NBPF19: variants seen among roughly 807,000 people sequenced by gnomAD.
NBPF19 encodes the protein NBPF member 19.
Under a neutral mutation model 45.9 loss-of-function variants are expected in NBPF19, and 30 were observed. The observed-to-expected ratio is 0.65, with a 90% CI of 0.49 to 0.89. The LOEUF is 0.89. Ranked by LOEUF, NBPF19 falls within the 40% of genes least tolerant of loss-of-function variation. The pLI is 0.00. For synonymous variants in NBPF19, 183 were observed against 181.2 expected (o/e 1.01, Z -0.08); for missense variants, 495 against 471.8 (o/e 1.05, Z -0.46).
At position 149,480,700 on chromosome 1, in the gene NBPF19, AAAGG is replaced by A. The variant is rs2085129352; in HGVS notation, c.592_595del (p.Glu198SerfsTer119). On this transcript the variant is annotated frameshift_variant, in exon 6 of 94. Coordinates refer to ENST00000651566, the MANE Select transcript of NBPF19 (RefSeq NM_001351365.2). LOFTEE classifies it high-confidence loss of function. Reference sequence around the variant, plus strand: ...TCAGGGAGATGCAGAAGGCTGAAGAAAAGGAAGTCCCTGAGGACTCACTGGAGGA... The same window carrying A: ...TCAGGGAGATGCAGAAGGCTGAAGAAAAGTCCCTGAGGACTCACTGGAGGA... 1.4e-6 allele frequency: 1 copy of A among 692,620 alleles called. No homozygotes were observed. Among genetic ancestry groups the A allele is most frequent in the African/African-American group, 1.9e-5 (1 of 51,414 alleles). 42.9% of individuals were successfully genotyped at this position (692,620 alleles called of 1,614,324 possible).
chr1:149,483,711 T>A lies in NBPF19; in HGVS notation c.824+1485T>A, dbSNP rs1255134751. ...GTTTAGTGCTTCCTTTAGGAGCTCT[T>A]GTAAGGCAGGCCTGGTGGTGACAAA... On this transcript the variant is annotated intron_variant, in intron 7 of 93. Transcript: ENST00000651566. Among the ~76,000 whole-genome samples the A allele has an allele frequency of 2.8e-5, 3 of 105,544 alleles. No individual in the cohort carries two copies. In the East Asian group the frequency reaches 9.3e-4, roughly 33 times the overall value. 69.2% of individuals were successfully genotyped at this position (105,544 alleles called of 152,430 possible).
Position 149,554,776 on chromosome 1 carries a change from G to T in NBPF19, c.*38G>T, listed in dbSNP as rs1421481299. Reference sequence around the variant, plus strand: ...AAGCCGAGAGATGTCATTCCTGCAGGCAGGACCTATAGGCACGTGAAGATT... The same window carrying T: ...AAGCCGAGAGATGTCATTCCTGCAGTCAGGACCTATAGGCACGTGAAGATT... On this transcript the variant is annotated 3_prime_UTR_variant, in exon 94 of 94. Coordinates refer to ENST00000651566, the MANE Select transcript of NBPF19 (RefSeq NM_001351365.2). 13 of 1,607,220 alleles carry T rather than the reference G, an allele frequency of 8.1e-6. 1 individual carries two copies. The highest frequency in any genetic ancestry group is 1.1e-5 in the South Asian group (1 of 90,864).
At chr1:149,514,773 G>T (rs1374064061) in intron 43 of NBPF19, among the ~76,000 whole-genome samples, 163 bp from the exon 44 acceptor site, 1 of 73,966 alleles carries the variant, frequency 1.4e-5, no homozygotes, top group Non-Finnish European at 3.0e-5. Context: ...TTTCCATTTG[G>T]CCCTGTTCTG....
At chr1:149,493,754 C>T in intron 17 of NBPF19, 43 bp downstream of exon 17, 3 of 171,062 alleles carry the variant, frequency 1.8e-5, no homozygotes, top group Non-Finnish European at 3.1e-5. Context: ...GTGTTGACAC[C>T]TGGAGATGCC....
intron 9 of NBPF19, among the ~76,000 whole-genome samples, chr1:149,487,793 G>GTC (rs1660704664): frequency 6.7e-6 from 1 of 148,270 alleles, no homozygotes; most frequent in African/African-American, 2.5e-5. Flanking sequence ...GTGTGTGTGT[G>GTC]TGTGTGTGTG....
chr1:149,487,029 A>T (rs1258497744), intron 8 of NBPF19, among the ~76,000 whole-genome samples: 1 of 150,750 alleles, frequency 6.6e-6, no homozygotes, highest in Admixed American at 6.6e-5. Flanking sequence ...CTCTCCTATG[A>T]GGTGTTAGAA....
At chr1:149,488,594 C>T (rs2085777860) in intron 10 of NBPF19, among the ~76,000 whole-genome samples, 1 of 63,068 alleles carries the variant, frequency 1.6e-5, no homozygotes, top group Admixed American at 2.0e-4. Flanking sequence ...CAGTTTTTCT[C>T]CTAGCAACCA....
intron 8 of NBPF19, among the ~76,000 whole-genome samples, chr1:149,486,985 G>C (rs1343828185): frequency 0.01 from 1,542 of 150,668 alleles, 78 homozygotes; most frequent in Non-Finnish European, 0.017. Flanking sequence ...CAAATTCTGG[G>C]TATTTGATGA....
chr1:149,487,785 G>T (rs1299981066), intron 9 of NBPF19, among the ~76,000 whole-genome samples: 1 of 142,618 alleles, frequency 7.0e-6, no homozygotes, highest in African/African-American at 2.6e-5. Context: ...CTGTGTGTGT[G>T]TGTGTGTGTG....
chr1:149,521,086 G>T (rs1232105036), intron 51 of NBPF19, among the ~76,000 whole-genome samples: 1 of 78,830 alleles, frequency 1.3e-5, no homozygotes, highest in Non-Finnish European at 2.7e-5. Flanking sequence ...CTCTGTCTCT[G>T]TCTCTCTCTC....
chr1:149,554,235 T>C, intron 93 of NBPF19, among the ~76,000 whole-genome samples: 1 of 151,824 alleles, frequency 6.6e-6, no homozygotes, highest in South Asian at 2.1e-4. Flanking sequence ...CCCTTACCAG[T>C]ATGTCACCTG....
chr1:149,478,909 A>G lies in NBPF19; in HGVS notation c.308A>G (p.Glu103Gly). 1 of 1,606,356 alleles carries G rather than the reference A, an allele frequency of 6.2e-7. No homozygotes were observed. Among genetic ancestry groups the G allele is most frequent in the Non-Finnish European group, 8.5e-7 (1 of 1,175,358 alleles). ...TATAAAGTCCTGTTTCACTCTCAGG[A>G]ACGAGAGCTGACCCAGTTAAGGGAG... is the stretch of plus-strand genomic sequence containing the variant. ...RQYKVLFHSQERELTQLREKL... is the reference protein window; with the variant it reads ...RQYKVLFHSQGRELTQLREKL... Residue 103 changes from glutamate to glycine, a missense_variant, in exon 4 of 94, where the codon GAA becomes GGA. Around this residue, in one of 8 missense-constraint regions of NBPF19, gnomAD observed 69 missense variants for 87.8 expected, o/e 0.79. Coordinates refer to ENST00000651566, the MANE Select transcript of NBPF19 (RefSeq NM_001351365.2).
chr1:149,494,005 C>T (rs1290403113), intron 17 of NBPF19, among the ~76,000 whole-genome samples: 7 of 89,286 alleles, frequency 7.8e-5, no homozygotes, highest in Admixed American at 5.0e-4. Flanking sequence ...GATCACTGTT[C>T]GCTGTGTGTC....
chr1:149,555,095 T>A lies in NBPF19; in HGVS notation c.*357T>A. On this transcript the variant is annotated 3_prime_UTR_variant, in exon 94 of 94. Transcript: ENST00000651566. The stretch of plus-strand genomic sequence containing the variant: ...GCTCAAGGTCAGTGTCATCTTTGTG[T>A]TTAGCTCATCCAAAGGTGTTACCCT... The A allele has an allele frequency of 2.9e-6, 1 of 342,462 alleles. No individual in the cohort carries two copies. The highest frequency in any genetic ancestry group is 5.5e-6 in the Non-Finnish European group (1 of 181,842). 21.2% of individuals were successfully genotyped at this position (342,462 alleles called of 1,614,324 possible).
At chr1:149,491,393 C>A in intron 14 of NBPF19, 82 bp downstream of exon 14, 4 of 146,896 alleles carry the variant, frequency 2.7e-5, no homozygotes, top group South Asian at 1.5e-4. Flanking sequence ...GTGGCCATTA[C>A]TGAGCTGAGA....
chr1:149,478,912 G>T lies in NBPF19; in HGVS notation c.311G>T (p.Arg104Leu). Residue 104 changes from arginine (R) to leucine (L), a missense_variant, in exon 4 of 94, where the codon CGA becomes CTA. By Grantham distance (102) the Arg-to-Leu change is moderately radical (BLOSUM62 -2). Around this residue, in one of 8 missense-constraint regions of NBPF19, gnomAD observed 69 missense variants for 87.8 expected, o/e 0.79. Transcript: ENST00000651566. ...AAAGTCCTGTTTCACTCTCAGGAAC[G>T]AGAGCTGACCCAGTTAAGGGAGAAG... ...QYKVLFHSQE[R>L]ELTQLREKLR... 1 of 1,606,282 alleles carries T rather than the reference G, an allele frequency of 6.2e-7. No homozygotes were observed. Among genetic ancestry groups the T allele is most frequent in the East Asian group, 2.2e-5 (1 of 44,818 alleles).
chr1:149,488,216 T>C, intron 10 of NBPF19, 31 bp downstream of exon 10: 1 of 591,274 alleles, frequency 1.7e-6, no homozygotes, highest in Non-Finnish European at 3.0e-6. Flanking sequence ...GTGATAAGGA[T>C]CCACTGAGTC....
chr1:149,553,850 A>C lies in NBPF19; in HGVS notation c.11256A>C (p.Glu3752Asp). 6.7e-6 allele frequency: 1 copy of C among 148,884 alleles called. No homozygotes were observed. Among genetic ancestry groups the C allele is most frequent in the Non-Finnish European group, 1.1e-5 (1 of 89,234 alleles). The allele number at this position is 148,884 out of a possible 1,614,324, so 9.2% of individuals were successfully genotyped here. The change falls in exon 93 of 94, where the codon GAA becomes GAC. Residue 3752 changes from glutamate to aspartate, a missense_variant. Glu to Asp is a conservative substitution (Grantham distance 45). This residue lies in a region of NBPF19 where 248 missense variants were observed against 95.4 expected (regional missense o/e 2.60). Coordinates refer to ENST00000651566, the MANE Select transcript of NBPF19 (RefSeq NM_001351365.2). Reference protein sequence around the residue: ...SKKERRRGRKEGEEDQNPPCP... With the variant: ...SKKERRRGRKDGEEDQNPPCP... ...AGGAAAGAAGAAGGGGAAGAAAAGA[A>C]GGGGAAGAAGATCAAAACCCACCAT...
intron 73 of NBPF19, among the ~76,000 whole-genome samples, chr1:149,538,402 G>T (rs1336457914): frequency 2.1e-4 from 4 of 19,176 alleles, no homozygotes; most frequent in Non-Finnish European, 4.2e-4. Flanking sequence ...TGTGTCACCT[G>T]GACAATTCAC....
Sources: allele counts gnomAD v4.1 joint callset (sites outside exome capture counted in the v4.1 genomes callset), GRCh38; gene constraint gnomAD v4.1.1; regional missense constraint gnomAD v4.1.1; transcripts MANE v1.5; gene names NCBI Gene and HGNC (gene_info 2026-07-23, HGNC 2026-07-21).